The following ZNF407 variants were observed in gnomAD, a reference collection of about 807,000 sequenced individuals.
ZNF407 encodes the protein zinc finger protein 407.
ZNF407 carries 17 observed loss-of-function variants against 131.2 expected under a neutral mutation model. The ratio of observed to expected loss-of-function variants is 0.13; its 90% CI spans 0.09 to 0.19. The LOEUF (loss-of-function observed/expected upper bound fraction) is 0.19, where lower values mean the gene tolerates loss of function less well. ZNF407 is among the 10% of genes least tolerant of loss of function. ZNF407 has a pLI of 1.00. For synonymous variants in ZNF407, 1,156 were observed against 1,062.0 expected, an observed-to-expected ratio of 1.09 and a Z score of -1.72; for missense variants, 2,681 against 2,830.6, an observed-to-expected ratio of 0.95 and a Z score of 1.20.
intron 3 of ZNF407, among the ~76,000 whole-genome samples, chr18:74,718,517 T>C (rs1967951621): frequency 6.6e-6 from 1 of 151,932 alleles, no homozygotes; most frequent in Non-Finnish European, 1.5e-5. Context: ...GAGTGACACC[T>C]TGTCTCAAGA....
intron 4 of ZNF407, among the ~76,000 whole-genome samples, chr18:74,843,282 T>G (rs922707714): frequency 6.6e-6 from 1 of 152,198 alleles, no homozygotes; most frequent in African/African-American, 2.4e-5. Context: ...TTTATATAAA[T>G]AAAACATATG....
At chr18:74,785,878 TGG>T (rs1420251585) in intron 4 of ZNF407, among the ~76,000 whole-genome samples, 16 of 21,874 alleles carry the variant, frequency 7.3e-4, no homozygotes, top group East Asian at 0.021. Flanking sequence ...GTCACTCACA[TGG>T]CACGCACATG....
chr18:74,789,835 T>C (rs936137906), intron 4 of ZNF407, among the ~76,000 whole-genome samples: 1 of 147,444 alleles, frequency 6.8e-6, no homozygotes, highest in Non-Finnish European at 1.5e-5. Flanking sequence ...GTTAAAATCT[T>C]TCCCTTATCT....
At chr18:74,789,508 G>A (rs1392166141) in intron 4 of ZNF407, among the ~76,000 whole-genome samples, 4 of 152,202 alleles carry the variant, frequency 2.6e-5, no homozygotes, top group Admixed American at 6.5e-5. Context: ...ATGAACCTGG[G>A]AACTGGGTTG....
At chr18:74,695,488 A>AT (rs1386339895) in intron 3 of ZNF407, among the ~76,000 whole-genome samples, 1 of 149,928 alleles carries the variant, frequency 6.7e-6, no homozygotes, top group African/African-American at 2.5e-5. Context: ...TTGTTCTAGC[A>AT]TTTTTTATTT....
At chr18:74,916,488 G>A (rs1599241286) in intron 7 of ZNF407, among the ~76,000 whole-genome samples, 1 of 136,136 alleles carries the variant, frequency 7.3e-6, no homozygotes. Flanking sequence ...GGGAGTGTGT[G>A]TGTGTGTGCG....
chr18:74,857,968 C>T (rs1255238548), intron 4 of ZNF407, among the ~76,000 whole-genome samples: 2 of 138,536 alleles, frequency 1.4e-5, no homozygotes, highest in Admixed American at 1.5e-4. Context: ...TTCCTGACTC[C>T]CTTTGCTTCC....
chr18:74,804,863 C>T (rs111890632), intron 4 of ZNF407, among the ~76,000 whole-genome samples: 153 of 152,310 alleles, frequency 1.0e-3, no homozygotes, highest in African/African-American at 3.4e-3. Context: ...CACCTCCTTC[C>T]AACCACCCTG....
chr18:74,951,439 G>T (rs1311321625), intron 8 of ZNF407, among the ~76,000 whole-genome samples: 2 of 152,054 alleles, frequency 1.3e-5, no homozygotes, highest in Admixed American at 1.3e-4. Flanking sequence ...GTAGAAAATT[G>T]GCAAACTGCA....
chr18:74,973,790 C>A (rs1972498845), intron 8 of ZNF407, among the ~76,000 whole-genome samples: 1 of 152,048 alleles, frequency 6.6e-6, no homozygotes, highest in Non-Finnish European at 1.5e-5. Context: ...CCTGGTGGGC[C>A]CTTGGCTTGT....
At chr18:74,806,126 C>T (rs761709287) in intron 4 of ZNF407, among the ~76,000 whole-genome samples, 6 of 152,200 alleles carry the variant, frequency 3.9e-5, no homozygotes, top group South Asian at 2.1e-4. Context: ...CAAGCCATCA[C>T]GTGTGCACTT....
At chr18:75,055,622 A>G (rs1371829273) in intron 8 of ZNF407, among the ~76,000 whole-genome samples, 2 of 152,230 alleles carry the variant, frequency 1.3e-5, no homozygotes, top group African/African-American at 4.8e-5. Context: ...TTCAGTGGCC[A>G]TGGAAATATC....
Position 74,703,903 on chromosome 18 carries a change from C to T in ZNF407, c.4802+62781C>T, listed in dbSNP as rs1967560139. On this transcript the variant is annotated intron_variant, in intron 3 of 8. Transcript: ENST00000299687. The surrounding 1 kb of genome is among the most constrained non-coding windows in gnomAD (Gnocchi z 4.1). ...GTCAATTTGTGCAATTTCTTTACATCATCAAAATTATTATAATATTTTTGT... is the reference window on the plus strand; with the variant it reads ...GTCAATTTGTGCAATTTCTTTACATTATCAAAATTATTATAATATTTTTGT... Among the ~76,000 whole-genome samples, 1 of 152,080 alleles carries T rather than the reference C, an allele frequency of 6.6e-6. No individual in the cohort carries two copies. The highest frequency in any genetic ancestry group is 1.5e-5 in the Non-Finnish European group (1 of 68,036).
intron 8 of ZNF407, among the ~76,000 whole-genome samples, chr18:74,935,957 A>C (rs183040003): frequency 6.6e-6 from 1 of 152,164 alleles, no homozygotes. Flanking sequence ...GTAATTTTTT[A>C]AAAAAGTTTT....
chr18:74,868,101 TAA>T (rs1213291451), intron 4 of ZNF407, among the ~76,000 whole-genome samples: 1 of 152,246 alleles, frequency 6.6e-6, no homozygotes, highest in Non-Finnish European at 1.5e-5. Flanking sequence ...AATGTCATCT[TAA>T]AAGTTATTAA....
chr18:74,736,400 G>A (rs1459021289), intron 3 of ZNF407, among the ~76,000 whole-genome samples: 1 of 152,062 alleles, frequency 6.6e-6, no homozygotes, highest in Admixed American at 6.6e-5. Context: ...TTTTTTAGTG[G>A]TTGTTTAAAT....
chr18:74,934,666 C>G (rs1280017573), intron 8 of ZNF407, among the ~76,000 whole-genome samples: 3 of 152,174 alleles, frequency 2.0e-5, no homozygotes, highest in Non-Finnish European at 4.4e-5. Flanking sequence ...ATTAGCCGGA[C>G]ATGGTGGCGC....
intron 4 of ZNF407, among the ~76,000 whole-genome samples, chr18:74,807,346 C>G (rs1250000011): frequency 6.6e-6 from 1 of 152,044 alleles, no homozygotes; most frequent in Admixed American, 6.5e-5. Context: ...CACATACAGG[C>G]CAGCTTGTAA....
intron 3 of ZNF407, among the ~76,000 whole-genome samples, chr18:74,665,809 C>T (rs1985909287): frequency 6.6e-6 from 1 of 152,182 alleles, no homozygotes; most frequent in African/African-American, 2.4e-5. Context: ...TTTTTCTTCT[C>T]ACCTGTAACA....
Sources: gnomAD v4.1 joint callset for allele counts (sites outside exome capture counted in the v4.1 genomes callset) on GRCh38, gnomAD v4.1.1 for gene constraint, Gnocchi (gnomAD v3.1) non-coding constraint, MANE v1.5 for transcripts, NCBI Gene and HGNC (gene_info 2026-07-23, HGNC 2026-07-21) for gene names.